Variants in ADAM32 observed in about 807,000 individuals in gnomAD.
ADAM32 encodes the protein ADAM metallopeptidase domain 32, also known as disintegrin and metalloproteinase domain-containing protein 32.
Under a neutral mutation model 114.9 loss-of-function variants are expected in ADAM32, and 89 were observed. That is an observed-to-expected ratio of 0.77 (90% CI 0.65 to 0.92). The LOEUF (loss-of-function observed/expected upper bound fraction) is 0.92, where lower values mean the gene tolerates loss of function less well. ADAM32 is among the 40% of genes least tolerant of loss of function. The pLI, the probability that ADAM32 is intolerant of heterozygous loss-of-function variation, is 0.00. For synonymous variants in ADAM32, 285 were observed against 307.5 expected, an observed-to-expected ratio of 0.93 and a Z score of 0.77; for missense variants, 870 against 932.8, an observed-to-expected ratio of 0.93 and a Z score of 0.88.
rs1268214371 is a variant in ADAM32 at position 39,164,781 on chromosome 8, T to C, written c.612T>C (p.Ser204=). The C allele has an allele frequency of 2.5e-6, 4 of 1,603,920 alleles. No homozygotes were observed. Among genetic ancestry groups the C allele is most frequent in the Non-Finnish European group, 3.4e-6 (4 of 1,174,840 alleles). ...TTTTTCAGTATGATTACTGGGGCTC[T>C]GATAGCATGATAGTAACAAATAAAG... ...VDKTLYDYWG[S]DSMIVTNKVI... is the part of the protein sequence containing the mutation. Residue 204 remains serine (S), a synonymous_variant, in exon 8 of 25, where the codon TCT becomes TCC. Coordinates refer to ENST00000379907, the MANE Select transcript of ADAM32 (RefSeq NM_145004.7).
At chr8:39,257,935 A>C (rs187937459) in intron 19 of ADAM32, among the ~76,000 whole-genome samples, 1 of 151,230 alleles carries the variant, frequency 6.6e-6, no homozygotes, top group African/African-American at 2.4e-5. Flanking sequence ...TGCAGCTGCA[A>C]TTCCTTCTGG....
At chr8:39,154,003 AG>A (rs2129445679) in intron 6 of ADAM32, among the ~76,000 whole-genome samples, 1 of 147,002 alleles carries the variant, frequency 6.8e-6, no homozygotes, top group Admixed American at 6.9e-5. Flanking sequence ...AAAGAAAAAC[AG>A]CCAAGTAAAA....
intron 11 of ADAM32, among the ~76,000 whole-genome samples, chr8:39,195,952 A>G (rs1806954744): frequency 1.3e-5 from 2 of 152,152 alleles, no homozygotes; most frequent in South Asian, 4.1e-4. Context: ...TGATAACAGT[A>G]TTAATTTCTC....
intron 22 of ADAM32, among the ~76,000 whole-genome samples, chr8:39,276,678 T>G (rs776015714): frequency 6.6e-6 from 1 of 152,210 alleles, no homozygotes; most frequent in Non-Finnish European, 1.5e-5. Context: ...TAAGAATGCC[T>G]GCGTTGCTCA....
intron 19 of ADAM32, among the ~76,000 whole-genome samples, chr8:39,264,759 A>G (rs1372131069): frequency 6.6e-6 from 1 of 152,162 alleles, no homozygotes; most frequent in Admixed American, 6.5e-5. Flanking sequence ...GTTTGTTTAT[A>G]TTAGTTTCAA....
At chr8:39,164,864 A>T (rs1161204941) in intron 8 of ADAM32, 29 bp downstream of exon 8, 4 of 1,578,566 alleles carry the variant, frequency 2.5e-6, no homozygotes, top group Non-Finnish European at 3.5e-6. Flanking sequence ...ATATTAAAAT[A>T]ATTGTTGTTT....
At chr8:39,223,380 T>A in intron 14 of ADAM32, 142 bp downstream of exon 14, 1 of 397,068 alleles carries the variant, frequency 2.5e-6, no homozygotes, top group Non-Finnish European at 4.1e-6. Flanking sequence ...TATATTTTAT[T>A]ATATATATAA....
intron 3 of ADAM32, among the ~76,000 whole-genome samples, chr8:39,142,420 T>A (rs1191997737): frequency 2.0e-5 from 3 of 152,212 alleles, no homozygotes; most frequent in Non-Finnish European, 2.9e-5. Context: ...TCTCTCAGCA[T>A]TTGCTTGTCT....
At chr8:39,160,763 T>TG (rs1163586884) in intron 6 of ADAM32, 134 bp from the exon 7 acceptor site, 4 of 746,058 alleles carry the variant, frequency 5.4e-6, no homozygotes, top group African/African-American at 1.8e-5. Flanking sequence ...CTTTATTTAT[T>TG]AATTTTAACC....
At chr8:39,229,627 G>A (rs1216468850) in intron 14 of ADAM32, among the ~76,000 whole-genome samples, 1 of 152,070 alleles carries the variant, frequency 6.6e-6, no homozygotes, top group Non-Finnish European at 1.5e-5. Flanking sequence ...ATGGTAAAAG[G>A]CCTTGTCCAA....
chr8:39,231,120 C>T (rs977165754), intron 14 of ADAM32, among the ~76,000 whole-genome samples: 2 of 152,120 alleles, frequency 1.3e-5, no homozygotes, highest in South Asian at 2.1e-4. Flanking sequence ...TAGTTAAGGT[C>T]TACAATCAGT....
intron 4 of ADAM32, 27 bp from the exon 5 acceptor site, chr8:39,149,764 G>A (rs1803708932): frequency 1.3e-6 from 2 of 1,532,642 alleles, no homozygotes; most frequent in Admixed American, 1.7e-5. Flanking sequence ...CTTCCTAAGT[G>A]ACTACTTTAC....
At chr8:39,266,977 C>T (rs947064337) in intron 19 of ADAM32, among the ~76,000 whole-genome samples, 1 of 152,148 alleles carries the variant, frequency 6.6e-6, no homozygotes, top group African/African-American at 2.4e-5. Flanking sequence ...TGGGACCTGG[C>T]CTGTTTCTTT....
chr8:39,243,681 T>G (rs185280726), intron 16 of ADAM32, among the ~76,000 whole-genome samples: 3 of 152,318 alleles, frequency 2.0e-5, no homozygotes, highest in Admixed American at 1.3e-4. Flanking sequence ...TTGTACTGAA[T>G]AGGGAAAAGT....
intron 2 of ADAM32, among the ~76,000 whole-genome samples, chr8:39,128,752 C>T (rs1290500630): frequency 6.6e-6 from 1 of 152,100 alleles, no homozygotes; most frequent in South Asian, 2.1e-4. Flanking sequence ...TGGAAAGAAT[C>T]GTATTTCTCC....
chr8:39,108,156 G>A (rs777097847), intron 1 of ADAM32: 12 of 227,458 alleles, frequency 5.3e-5, no homozygotes, highest in Non-Finnish European at 7.6e-5. Context: ...GTGGTGGTGC[G>A]CACCTGTGAT....
chr8:39,213,490 T>A (rs1306701105), intron 12 of ADAM32, among the ~76,000 whole-genome samples: 5 of 152,128 alleles, frequency 3.3e-5, no homozygotes, highest in Admixed American at 1.3e-4. Flanking sequence ...TATATCTTTT[T>A]AAAAAATTTC....
rs538070754 is a variant in ADAM32 at position 39,132,014 on chromosome 8, A to G, written c.139-4643A>G. The stretch of plus-strand genomic sequence containing the variant: ...GTTCAAACGATTTTCCTGCCTCAGC[A>G]TCCTGAGTAGTTGGGATTACAGGCA... On this transcript the variant is annotated intron_variant, in intron 2 of 24. Transcript: ENST00000379907. 3.0e-4 allele frequency: 89 copies of G among 300,908 alleles called. 3 individuals carry two copies. The highest frequency in any genetic ancestry group is 2.2e-3 in the South Asian group (86 of 39,950). The allele number at this position is 300,908 out of a possible 1,614,324, so 18.6% of individuals were successfully genotyped here.
chr8:39,145,983 C>T (rs147868130), intron 3 of ADAM32, among the ~76,000 whole-genome samples: 17 of 152,250 alleles, frequency 1.1e-4, no homozygotes, highest in Non-Finnish European at 1.0e-4. Flanking sequence ...CCCTCCACCT[C>T]GGCCTCCCTA....
Sources: allele counts gnomAD v4.1 joint callset (sites outside exome capture counted in the v4.1 genomes callset), GRCh38; gene constraint gnomAD v4.1.1; transcripts MANE v1.5; gene names NCBI Gene and HGNC (gene_info 2026-07-23, HGNC 2026-07-21).